The following FAF2 variants were observed in gnomAD, a reference collection of about 807,000 sequenced individuals.
FAF2 encodes the protein Fas associated factor family member 2.
A neutral mutation model predicts 62.3 loss-of-function variants in FAF2; 9 were observed. The observed-to-expected ratio is 0.14, with a 90% CI of 0.09 to 0.25. FAF2 has a LOEUF of 0.25. Among genes scored for constraint, FAF2 ranks in the 10% least tolerant of loss-of-function variants. The pLI is 1.00. For synonymous variants in FAF2, 202 were observed against 198.0 expected, an observed-to-expected ratio of 1.02 and a Z score of -0.17; for missense variants, 368 against 556.2, an observed-to-expected ratio of 0.66 and a Z score of 3.40.
At chr5:176,462,817 A>G (rs544959102) in intron 1 of FAF2, among the ~76,000 whole-genome samples, 1 of 152,300 alleles carries the variant, frequency 6.6e-6, no homozygotes, top group African/African-American at 2.4e-5. Flanking sequence ...TTGAAACATA[A>G]TGGCAGAATT....
At chr5:176,451,756 GTATATATACA>G (rs1270246984) in intron 1 of FAF2, among the ~76,000 whole-genome samples, 1 of 117,484 alleles carries the variant, frequency 8.5e-6, no homozygotes, top group Non-Finnish European at 1.7e-5. Context: ...TATGTATATT[GTATATATACA>G]TATATATACG....
rs1428896093 is a variant in FAF2 at position 176,509,780 on chromosome 5, G to C, written c.*2830G>C. 2 of 152,670 alleles carry C rather than the reference G, an allele frequency of 1.3e-5. No homozygotes were observed. The highest frequency in any genetic ancestry group is 4.8e-5 in the African/African-American group (2 of 41,462). 9.5% of individuals were successfully genotyped at this position (152,670 alleles called of 1,614,324 possible). A position where few individuals can be genotyped will look rare whatever the true frequency, so the allele number is the denominator to read the frequency against. The stretch of plus-strand genomic sequence containing the variant: ...AAATTGCTAATGGTGCCAAGGCCAA[G>C]CAAAGAGTTTCAGAAAATGACTGAG... On this transcript the variant is annotated 3_prime_UTR_variant, in exon 11 of 11. Coordinates refer to ENST00000261942, the MANE Select transcript of FAF2 (RefSeq NM_014613.3).
At chr5:176,458,905 C>G (rs1424159387) in intron 1 of FAF2, among the ~76,000 whole-genome samples, 3 of 152,098 alleles carry the variant, frequency 2.0e-5, no homozygotes, top group Non-Finnish European at 4.4e-5. Context: ...CCTGAAATTT[C>G]TCCTTCCACT....
At chr5:176,476,319 GATA>G (rs982697582) in intron 1 of FAF2, among the ~76,000 whole-genome samples, 170 of 152,214 alleles carry the variant, frequency 1.1e-3, no homozygotes, top group African/African-American at 3.9e-3. Flanking sequence ...GAGATTTTGT[GATA>G]ATATCTAGAG....
chr5:176,496,591 A>G lies in FAF2; in HGVS notation c.767A>G (p.Asp256Gly). ...CGGCTAGAAGGCCTCATTCAACCTGATGACCTCATTAACCAACTGACATTT... is the reference window on the plus strand; with the variant it reads ...CGGCTAGAAGGCCTCATTCAACCTGGTGACCTCATTAACCAACTGACATTT... ...VGRLEGLIQPDDLINQLTFIM... is the reference protein window; with the variant it reads ...VGRLEGLIQPGDLINQLTFIM... Residue 256 changes from aspartate to glycine, a missense_variant, in exon 8 of 11, where the codon GAT becomes GGT. By Grantham distance (94) the Asp-to-Gly change is moderately conservative. Transcript: ENST00000261942. 1.9e-6 allele frequency: 3 copies of G among 1,612,806 alleles called. No homozygotes were observed. Among genetic ancestry groups the G allele is most frequent in the Non-Finnish European group, 2.5e-6 (3 of 1,179,394 alleles).
intron 2 of FAF2, among the ~76,000 whole-genome samples, chr5:176,482,203 C>T (rs1348372666): frequency 6.7e-6 from 1 of 149,138 alleles, no homozygotes; most frequent in Non-Finnish European, 1.5e-5. Context: ...TTATCTTTTT[C>T]ATGTTGAGCT....
chr5:176,497,870 C>A (rs1486681821), intron 8 of FAF2, among the ~76,000 whole-genome samples: 1 of 152,050 alleles, frequency 6.6e-6, no homozygotes, highest in Non-Finnish European at 1.5e-5. Context: ...CAGAATCAGG[C>A]CGAGCATGTT....
chr5:176,500,331 C>T (rs1325755718), intron 10 of FAF2, among the ~76,000 whole-genome samples, 185 bp downstream of exon 10: 2 of 152,128 alleles, frequency 1.3e-5, no homozygotes, highest in Non-Finnish European at 2.9e-5. Context: ...CTGCTGTAGG[C>T]TCCTTCAGTT....
rs200470051 is a variant in FAF2, at chr5:176,467,330, G to GT, written c.64-11850dup. Reference sequence around the variant, plus strand: ...CTTAGATGTCAGTAGACTTTTTTTGGTTTTTTTTGGTTTTTTTTTGAGTCA... The same window carrying GT: ...CTTAGATGTCAGTAGACTTTTTTTGGTTTTTTTTTGGTTTTTTTTTGAGTCA... On this transcript the variant is annotated intron_variant, in intron 1 of 10. Transcript: ENST00000261942. Among the ~76,000 whole-genome samples the GT allele has an allele frequency of 1.3e-3, 196 of 150,784 alleles. 1 individual carries two copies. The East Asian group carries it at 0.021, about 16-fold the overall frequency.
chr5:176,486,778 A>C (rs1334696299), intron 3 of FAF2, among the ~76,000 whole-genome samples: 1 of 152,138 alleles, frequency 6.6e-6, no homozygotes, highest in Non-Finnish European at 1.5e-5. Context: ...CTTAATCTTA[A>C]ACCAGTTTTG....
At chr5:176,503,330 G>A (rs1460236923) in intron 10 of FAF2, among the ~76,000 whole-genome samples, 1 of 152,042 alleles carries the variant, frequency 6.6e-6, no homozygotes, top group African/African-American at 2.4e-5. Context: ...TGAGGTGGGC[G>A]GATCACCAGG....
chr5:176,492,435 C>T (rs1335052616), intron 5 of FAF2, 103 bp downstream of exon 5: 15 of 1,277,348 alleles, frequency 1.2e-5, no homozygotes, highest in Non-Finnish European at 1.6e-5. Flanking sequence ...ACTCAAAAAC[C>T]TTAATTAGCT....
At chr5:176,501,500 A>G (rs1481166499) in intron 10 of FAF2, among the ~76,000 whole-genome samples, 2 of 152,216 alleles carry the variant, frequency 1.3e-5, no homozygotes, top group Non-Finnish European at 2.9e-5. Flanking sequence ...TAGAACTGTA[A>G]TCTGCCCTCT....
chr5:176,488,711 C>T (rs10076572), intron 3 of FAF2, among the ~76,000 whole-genome samples: 27,638 of 152,050 alleles, frequency 0.18, 2,597 homozygotes, highest in African/African-American at 0.21. Context: ...GCAGGAGATA[C>T]AGCTCTGGAC....
intron 9 of FAF2, 67 bp downstream of exon 9, chr5:176,499,152 AGTGT>A: frequency 2.1e-6 from 3 of 1,433,384 alleles, no homozygotes; most frequent in African/African-American, 1.4e-5. Flanking sequence ...CTTGGTCTTA[AGTGT>A]GAAAGGAAAA....
chr5:176,500,964 T>C (rs1451175369), intron 10 of FAF2, among the ~76,000 whole-genome samples: 1 of 151,900 alleles, frequency 6.6e-6, no homozygotes, highest in Non-Finnish European at 1.5e-5. Context: ...TCGTCTCTAC[T>C]AAAAATACAA....
At position 176,451,786 on chromosome 5, in the gene FAF2, G is replaced by GTA. The variant is rs1175263570; in HGVS notation, c.63+3327_63+3328dup. Among the ~76,000 whole-genome samples, 50 of 61,922 alleles carry GTA rather than the reference G, an allele frequency of 8.1e-4. 4 individuals carry two copies. The highest frequency in any genetic ancestry group is 1.2e-3 in the East Asian group (2 of 1,664). 40.6% of individuals were successfully genotyped at this position (61,922 alleles called of 152,430 possible). ...TATACATATATATACGTGTGTGTGTGTATATATATATACATATATATATAC... is the reference window on the plus strand; with the variant it reads ...TATACATATATATACGTGTGTGTGTGTATATATATATATACATATATATATAC... On this transcript the variant is annotated intron_variant, in intron 1 of 10. Coordinates refer to ENST00000261942, the MANE Select transcript of FAF2 (RefSeq NM_014613.3).
intron 8 of FAF2, among the ~76,000 whole-genome samples, chr5:176,497,681 C>T (rs751541544): frequency 7.7e-4 from 117 of 152,084 alleles, no homozygotes; most frequent in Middle Eastern, 3.4e-3. Context: ...GTGATGGTTT[C>T]CTTAGATTAA....
chr5:176,461,312 C>CTTTT lies in FAF2; in HGVS notation c.63+12863_63+12866dup, dbSNP rs60608969. On this transcript the variant is annotated intron_variant, in intron 1 of 10. Transcript: ENST00000261942. ...TACAGGTGTGAGCCACTGTGCCCAG[C>CTTTT]TTTTTTTTTTTTTTTTTTTTTTTTG... Among the ~76,000 whole-genome samples the CTTTT allele has an allele frequency of 6.6e-3, 467 of 70,708 alleles. 22 individuals carry two copies. Among genetic ancestry groups the CTTTT allele is most frequent in the African/African-American group, 0.012 (197 of 16,988 alleles). The allele number at this position is 70,708 out of a possible 152,430, so 46.4% of individuals were successfully genotyped here. A position where few individuals can be genotyped will look rare whatever the true frequency, so the allele number is the denominator to read the frequency against.
Sources: allele counts gnomAD v4.1 joint callset (sites outside exome capture counted in the v4.1 genomes callset), GRCh38; gene constraint gnomAD v4.1.1; transcripts MANE v1.5; gene names NCBI Gene and HGNC (gene_info 2026-07-23, HGNC 2026-07-21).